MICU3: variants seen among roughly 807,000 people sequenced by gnomAD.
MICU3 encodes calcium uptake protein 3, mitochondrial.
A neutral mutation model predicts 66.5 loss-of-function variants in MICU3; 62 were observed. The ratio of observed to expected loss-of-function variants is 0.93; its 90% confidence interval spans 0.76 to 1.15. MICU3 has a LOEUF of 1.15. MICU3 is among the 50% of genes most tolerant of loss of function. MICU3 has a pLI of 0.00. For missense variants in MICU3, 779 were observed against 664.4 expected (o/e 1.17, Z -1.90); for synonymous variants, 308 against 240.7 (o/e 1.28, Z -2.59).
At chr8:17,029,241 C>T (rs527875226) in intron 1 of MICU3, among the ~76,000 whole-genome samples, 6 of 152,262 alleles carry the variant, frequency 3.9e-5, no homozygotes, top group African/African-American at 1.2e-4. Flanking sequence ...TTTGGGAGGT[C>T]GAGGCAAGCA....
intron 11 of MICU3, among the ~76,000 whole-genome samples, chr8:17,111,613 G>A (rs1202064475): frequency 2.0e-5 from 3 of 152,186 alleles, no homozygotes; most frequent in Non-Finnish European, 4.4e-5. Context: ...AGGTCATGAA[G>A]TTTTGTCTGG....
intron 1 of MICU3, among the ~76,000 whole-genome samples, chr8:17,057,371 G>A (rs1046839320): frequency 2.6e-5 from 4 of 152,106 alleles, no homozygotes; most frequent in African/African-American, 9.7e-5. Flanking sequence ...CATAACAGGC[G>A]ACACCCTGAT....
chr8:17,035,611 G>A (rs1489405723), intron 1 of MICU3, among the ~76,000 whole-genome samples: 1 of 152,214 alleles, frequency 6.6e-6, no homozygotes, highest in African/African-American at 2.4e-5. Flanking sequence ...ACTTGAGAGA[G>A]ATAATTTTGG....
chr8:17,136,991 C>T, the MICU3 span, among the ~76,000 whole-genome samples: 24 of 152,084 alleles, frequency 1.6e-4, 1 homozygote, highest in African/African-American at 5.5e-4. Flanking sequence ...CACGCCACCA[C>T]GCCCAGCTAA....
chr8:17,069,585 A>G (rs79880009), intron 2 of MICU3, 103 bp from the exon 3 acceptor site: 3 of 613,788 alleles, frequency 4.9e-6, no homozygotes, highest in South Asian at 2.5e-5. Flanking sequence ...CCTTTTGGAC[A>G]TAAAAGTTTG....
chr8:17,081,653 C>A, intron 4 of MICU3, 40 bp from the exon 5 acceptor site: 1 of 601,002 alleles, frequency 1.7e-6, no homozygotes, highest in Non-Finnish European at 2.7e-6. Context: ...GCTTCTAGAA[C>A]AATATTTTAT....
intron 14 of MICU3, among the ~76,000 whole-genome samples, chr8:17,119,861 G>A (rs540791050): frequency 6.6e-6 from 1 of 152,220 alleles, no homozygotes; most frequent in Non-Finnish European, 1.5e-5. Flanking sequence ...TTTGTCTAAG[G>A]TGGTAACCGT....
chr8:17,098,904 A>G (rs1487458199), intron 9 of MICU3, among the ~76,000 whole-genome samples: 1 of 151,722 alleles, frequency 6.6e-6, no homozygotes, highest in Admixed American at 6.6e-5. Context: ...GAGTTATGTT[A>G]GATTTAAACA....
chr8:17,127,322 G>A (rs1250902005), downstream of MICU3, among the ~76,000 whole-genome samples: 1 of 152,164 alleles, frequency 6.6e-6, no homozygotes, highest in Non-Finnish European at 1.5e-5. Context: ...CAGAAGATTA[G>A]CTGTCACAAA....
intron 10 of MICU3, among the ~76,000 whole-genome samples, 187 bp downstream of exon 10, chr8:17,104,678 G>A (rs1345486823): frequency 1.3e-5 from 2 of 151,902 alleles, no homozygotes; most frequent in Non-Finnish European, 2.9e-5. Flanking sequence ...AATTATAACA[G>A]GAAGTTACTG....
At chr8:17,046,407 T>C (rs1815098382) in intron 1 of MICU3, among the ~76,000 whole-genome samples, 1 of 152,202 alleles carries the variant, frequency 6.6e-6, no homozygotes, top group Non-Finnish European at 1.5e-5. Flanking sequence ...AGGAAAAACA[T>C]GGTTTAAGCG....
chr8:17,075,889 G>C (rs1456011236), intron 3 of MICU3, among the ~76,000 whole-genome samples: 1 of 150,070 alleles, frequency 6.7e-6, no homozygotes, highest in East Asian at 1.9e-4. Flanking sequence ...CACTGTAGCT[G>C]AGTTTAAGTT....
chr8:17,124,570 T>C (rs1190265855), downstream of MICU3, among the ~76,000 whole-genome samples: 1 of 152,036 alleles, frequency 6.6e-6, no homozygotes. Context: ...CCCCTCTCTC[T>C]CTGTTCAAGA....
chr8:17,035,079 G>C (rs533725424), intron 1 of MICU3, among the ~76,000 whole-genome samples: 1 of 152,278 alleles, frequency 6.6e-6, no homozygotes, highest in Non-Finnish European at 1.5e-5. Flanking sequence ...TTTTATAAAG[G>C]GGAGTACCCC....
At chr8:17,051,074 G>T (rs1815997585) in intron 1 of MICU3, among the ~76,000 whole-genome samples, 2 of 152,022 alleles carry the variant, frequency 1.3e-5, no homozygotes, top group Admixed American at 1.3e-4. Context: ...ATATACATCT[G>T]AAACTTGAGG....
chr8:17,035,565 A>C (rs767803850), intron 1 of MICU3, among the ~76,000 whole-genome samples: 1 of 152,200 alleles, frequency 6.6e-6, no homozygotes, highest in Non-Finnish European at 1.5e-5. Flanking sequence ...GACTAGTGGC[A>C]TGTTGTCCCT....
chr8:17,078,798 T>C (rs910034230), intron 4 of MICU3, among the ~76,000 whole-genome samples: 6 of 152,184 alleles, frequency 3.9e-5, no homozygotes, highest in East Asian at 3.9e-4. Context: ...ATATCTTTTA[T>C]TGTAGGTGTT....
chr8:17,036,802 C>T (rs936917986), intron 1 of MICU3, among the ~76,000 whole-genome samples: 5 of 152,214 alleles, frequency 3.3e-5, no homozygotes, highest in Admixed American at 1.3e-4. Flanking sequence ...CTGCCAGTCC[C>T]GCGCCGTGCG....
chr8:17,070,888 G>A (rs1458795804), intron 3 of MICU3, among the ~76,000 whole-genome samples: 2 of 152,072 alleles, frequency 1.3e-5, no homozygotes, highest in Non-Finnish European at 2.9e-5. Flanking sequence ...TTTGGTAGAC[G>A]AGAGAACTAC....
Sources: allele counts gnomAD v4.1 joint callset (sites outside exome capture counted in the v4.1 genomes callset), GRCh38; gene constraint gnomAD v4.1.1; transcripts MANE v1.5; gene names NCBI Gene and HGNC (gene_info 2026-07-23, HGNC 2026-07-21).